SPIDR: variants seen among roughly 807,000 people sequenced by gnomAD.
SPIDR encodes the protein scaffold protein involved in DNA repair.
In SPIDR, 93 loss-of-function variants were observed where a neutral mutation model predicts 104.6. The ratio of observed to expected loss-of-function variants is 0.89; its 90% CI spans 0.75 to 1.06. The LOEUF (loss-of-function observed/expected upper bound fraction) is 1.06. Among genes scored for constraint, SPIDR ranks in the 50% least tolerant of loss-of-function variants. SPIDR has a pLI of 0.00. For synonymous variants in SPIDR, 431 were observed against 416.9 expected (o/e 1.03, Z -0.41); for missense variants, 1,154 against 1,111.2 (o/e 1.04, Z -0.55).
At chr8:47,547,256 G>T (rs116711932) in intron 8 of SPIDR, 66 of 608,558 alleles carry the variant, frequency 1.1e-4, no homozygotes, top group African/African-American at 9.9e-4. Context: ...GGTGTAACAC[G>T]ATGTACAGCA....
intron 5 of SPIDR, among the ~76,000 whole-genome samples, chr8:47,322,236 A>G (rs1554596491): frequency 6.6e-6 from 1 of 152,248 alleles, no homozygotes; most frequent in Non-Finnish European, 1.5e-5. Flanking sequence ...ATGAGCTCCA[A>G]CAAATTTTCA....
At chr8:47,492,634 C>T (rs1008490415) in intron 8 of SPIDR, among the ~76,000 whole-genome samples, 1 of 151,932 alleles carries the variant, frequency 6.6e-6, no homozygotes, top group African/African-American at 2.4e-5. Flanking sequence ...TACCTGCCTA[C>T]TTCTGGGCCC....
chr8:47,661,044 G>A (rs1324912498), intron 10 of SPIDR: 13 of 842,596 alleles, frequency 1.5e-5, no homozygotes, highest in Non-Finnish European at 1.6e-5. Context: ...CGTGTCATGT[G>A]GTGCCTGCTC....
At chr8:47,406,190 T>A (rs1011952556) in intron 6 of SPIDR, among the ~76,000 whole-genome samples, 1 of 152,144 alleles carries the variant, frequency 6.6e-6, no homozygotes, top group African/African-American at 2.4e-5. Flanking sequence ...TTGCTTCTTG[T>A]ATTTATTGTG....
chr8:47,446,402 T>A (rs1201584403), intron 8 of SPIDR, among the ~76,000 whole-genome samples: 2 of 151,896 alleles, frequency 1.3e-5, no homozygotes, highest in Non-Finnish European at 2.9e-5. Flanking sequence ...AGAAAAAAAA[T>A]TTTCTTTTAA....
chr8:47,411,694 A>G (rs2063549873), intron 7 of SPIDR, among the ~76,000 whole-genome samples: 1 of 152,092 alleles, frequency 6.6e-6, no homozygotes, highest in African/African-American at 2.4e-5. Flanking sequence ...TTTTGTTGCC[A>G]TTGCTTTTGG....
intron 8 of SPIDR, among the ~76,000 whole-genome samples, chr8:47,565,992 A>AT (rs768002878): frequency 0.011 from 166 of 14,954 alleles, 14 homozygotes; most frequent in Middle Eastern, 0.05. Flanking sequence ...ATATATATAT[A>AT]TTTTTTTTTT....
At chr8:47,268,951 C>G (rs7015526) in intron 1 of SPIDR, among the ~76,000 whole-genome samples, 77,575 of 151,820 alleles carry the variant, frequency 0.51, 23,875 homozygotes, top group African/African-American at 0.87. Flanking sequence ...TGGATCACTT[C>G]AGCCTAGGAG....
At chr8:47,312,977 G>T (rs1400573077) in intron 5 of SPIDR, among the ~76,000 whole-genome samples, 1 of 152,134 alleles carries the variant, frequency 6.6e-6, no homozygotes, top group Admixed American at 6.6e-5. Context: ...ATTAAATAGG[G>T]AATCCTTTCC....
intron 7 of SPIDR, among the ~76,000 whole-genome samples, chr8:47,422,318 C>T (rs1401137600): frequency 6.6e-6 from 1 of 152,186 alleles, no homozygotes. Flanking sequence ...GCGGGCTCCC[C>T]TCCCCCAGCC....
At chr8:47,455,032 G>A (rs1396826698) in intron 8 of SPIDR, among the ~76,000 whole-genome samples, 1 of 152,082 alleles carries the variant, frequency 6.6e-6, no homozygotes, top group African/African-American at 2.4e-5. Flanking sequence ...GCAATTTGAA[G>A]CCAAAAGAAA....
At chr8:47,696,424 C>T (rs2079343991) in intron 11 of SPIDR, among the ~76,000 whole-genome samples, 1 of 151,838 alleles carries the variant, frequency 6.6e-6, no homozygotes, top group African/African-American at 2.4e-5. Flanking sequence ...GTATTTTTTT[C>T]TCTCTCAAGG....
intron 4 of SPIDR, 30 bp from the exon 5 acceptor site, chr8:47,293,837 A>G: frequency 6.3e-7 from 1 of 1,579,400 alleles, no homozygotes; most frequent in South Asian, 1.1e-5. Flanking sequence ...TAAGGAGATA[A>G]TTAAGCAAGT....
intron 5 of SPIDR, chr8:47,357,824 G>A: frequency 1.0e-6 from 1 of 983,026 alleles, no homozygotes; most frequent in Non-Finnish European, 1.2e-6. Flanking sequence ...AGAAAGGAAA[G>A]GAGATCTCAT....
rs1041270960 is a variant in SPIDR, at chr8:47,736,218, C to G, written c.*768C>G. On this transcript the variant is annotated 3_prime_UTR_variant, in exon 20 of 20. Coordinates refer to ENST00000297423, the MANE Select transcript of SPIDR (RefSeq NM_001080394.4). ...GTTCCCTTCCTTATAGCAATATAAT[C>G]ATGACAGGCCATGGTTAACTACATC... 2 of 152,504 alleles carry G rather than the reference C, an allele frequency of 1.3e-5. No homozygotes were observed. Among genetic ancestry groups the G allele is most frequent in the African/African-American group, 4.8e-5 (2 of 41,462 alleles). The allele number at this position is 152,504 out of a possible 1,614,324, so 9.4% of individuals were successfully genotyped here.
intron 8 of SPIDR, among the ~76,000 whole-genome samples, chr8:47,590,972 T>C (rs1027054807): frequency 2.6e-5 from 4 of 152,198 alleles, no homozygotes; most frequent in African/African-American, 9.6e-5. Flanking sequence ...CCCACTATAT[T>C]TTAATCAATG....
chr8:47,267,471 A>G (rs561018175), intron 1 of SPIDR, among the ~76,000 whole-genome samples: 4 of 152,334 alleles, frequency 2.6e-5, no homozygotes, highest in Admixed American at 1.3e-4. Flanking sequence ...TTACAGTCTC[A>G]CCAGCAAGGA....
intron 10 of SPIDR, among the ~76,000 whole-genome samples, chr8:47,655,271 C>T (rs200892566): frequency 3.9e-5 from 6 of 152,114 alleles, no homozygotes; most frequent in African/African-American, 9.7e-5. Context: ...CAAATGGTAT[C>T]TCTAGTTCTA....
intron 11 of SPIDR, among the ~76,000 whole-genome samples, chr8:47,692,487 CTTTTTTTTTTTT>C (rs1171012398): frequency 5.0e-5 from 6 of 119,286 alleles, no homozygotes; most frequent in East Asian, 4.7e-4. Flanking sequence ...TCAGAATTTC[CTTTTTTTTTTTT>C]TTTTTTTTTT....
Sources: gnomAD v4.1 joint callset for allele counts (sites outside exome capture counted in the v4.1 genomes callset) on GRCh38, gnomAD v4.1.1 for gene constraint, MANE v1.5 for transcripts, NCBI Gene and HGNC (gene_info 2026-07-23, HGNC 2026-07-21) for gene names.